The following KCNH5 variants were observed in gnomAD, a reference collection of about 807,000 sequenced individuals.
KCNH5 encodes the protein voltage-gated delayed rectifier potassium channel KCNH5.
KCNH5 carries 46 observed loss-of-function variants against 96.1 expected under a neutral mutation model. The observed-to-expected ratio is 0.48, with a 90% confidence interval of 0.38 to 0.61. The LOEUF (loss-of-function observed/expected upper bound fraction) is 0.61, where lower values mean the gene tolerates loss of function less well. Among genes scored for constraint, KCNH5 ranks in the 20% least tolerant of loss-of-function variants. The probability of loss-of-function intolerance (pLI) is 0.00; values close to 1 mark genes in which losing one functional copy is unlikely to be tolerated. For missense variants in KCNH5, 907 were observed against 1,225.8 expected (o/e 0.74, Z 3.88); for synonymous variants, 439 against 449.8 (o/e 0.98, Z 0.30).
At chr14:63,002,027 C>T (rs1594668891) in intron 3 of KCNH5, among the ~76,000 whole-genome samples, 2 of 152,264 alleles carry the variant, frequency 1.3e-5, no homozygotes, top group East Asian at 3.9e-4. Flanking sequence ...ATCCCCACAT[C>T]AGAGAGAGAG....
rs568773953 is a variant in KCNH5 at position 62,821,545 on chromosome 14, A to G, written c.1570-18964T>C. On this transcript the variant is annotated intron_variant, in intron 8 of 10. Coordinates refer to ENST00000322893, the MANE Select transcript of KCNH5 (RefSeq NM_139318.5). ...TTTTGAAAGAGCATATTATGCTCACATTATTTAAAGGGGCTTTAGGGCAAT... is the reference window on the plus strand; with the variant it reads ...TTTTGAAAGAGCATATTATGCTCACGTTATTTAAAGGGGCTTTAGGGCAAT... 2.0e-5 allele frequency among the ~76,000 whole-genome samples: 3 copies of G among 152,240 alleles called. No homozygotes were observed. The South Asian group carries it at 6.2e-4, about 32-fold the overall frequency.
chr14:62,835,015 C>T (rs952053371), intron 8 of KCNH5, among the ~76,000 whole-genome samples: 1 of 151,928 alleles, frequency 6.6e-6, no homozygotes, highest in African/African-American at 2.4e-5. Context: ...AAACAAAAAG[C>T]TTCACATGAT....
intron 1 of KCNH5, among the ~76,000 whole-genome samples, chr14:63,033,369 A>G (rs1043414211): frequency 1.3e-5 from 2 of 152,132 alleles, no homozygotes; most frequent in African/African-American, 4.8e-5. Context: ...TCTCCTTAGG[A>G]ATGTTCACAT....
intron 6 of KCNH5, among the ~76,000 whole-genome samples, chr14:62,966,147 C>T (rs1763897301): frequency 6.6e-6 from 1 of 152,076 alleles, no homozygotes; most frequent in Non-Finnish European, 1.5e-5. Flanking sequence ...TACCCAAAAA[C>T]AAACAAATGA....
chr14:62,936,837 C>A (rs1889692208), intron 7 of KCNH5, among the ~76,000 whole-genome samples: 2 of 151,722 alleles, frequency 1.3e-5, no homozygotes, highest in Admixed American at 1.3e-4. Context: ...CAACATTAGC[C>A]AGGCGTGGTG....
At chr14:62,754,888 G>A (rs935860835) in intron 10 of KCNH5, among the ~76,000 whole-genome samples, 5 of 134,018 alleles carry the variant, frequency 3.7e-5, no homozygotes, top group African/African-American at 5.0e-5. Context: ...ATAAAATAAA[G>A]TAAAATAAAA....
chr14:63,020,432 G>C (rs1427236888), intron 1 of KCNH5, among the ~76,000 whole-genome samples: 1 of 152,030 alleles, frequency 6.6e-6, no homozygotes, highest in Non-Finnish European at 1.5e-5. Context: ...GAATGGATTA[G>C]AAATTGTGCC....
chr14:63,016,748 G>A, intron 2 of KCNH5, 83 bp downstream of exon 2: 1 of 1,375,832 alleles, frequency 7.3e-7, no homozygotes, highest in Non-Finnish European at 1.0e-6. Flanking sequence ...GTATATGGGA[G>A]TCCAAGTAAG....
At chr14:62,985,309 CAA>C (rs1470018893) in intron 5 of KCNH5, among the ~76,000 whole-genome samples, 1 of 151,988 alleles carries the variant, frequency 6.6e-6, no homozygotes, top group African/African-American at 2.4e-5. Context: ...AGCAGAAAAC[CAA>C]AAGTCTTTTT....
At chr14:62,736,739 A>G (rs1401591617) in intron 10 of KCNH5, among the ~76,000 whole-genome samples, 1 of 151,960 alleles carries the variant, frequency 6.6e-6, no homozygotes. Flanking sequence ...AAGAGAAAGC[A>G]CTCCTGACCA....
chr14:62,870,787 A>T (rs1283466789), intron 7 of KCNH5, among the ~76,000 whole-genome samples: 2 of 152,184 alleles, frequency 1.3e-5, no homozygotes, highest in Non-Finnish European at 2.9e-5. Flanking sequence ...TTAACCTTAA[A>T]AAAAACTCTC....
intron 5 of KCNH5, among the ~76,000 whole-genome samples, chr14:62,982,283 T>C (rs1301355986): frequency 2.6e-5 from 4 of 151,976 alleles, no homozygotes; most frequent in Non-Finnish European, 4.4e-5. Flanking sequence ...AAACTGAGAT[T>C]GTGCCACTGC....
intron 4 of KCNH5, among the ~76,000 whole-genome samples, chr14:62,993,942 T>C (rs3906692): frequency 0.32 from 48,254 of 151,944 alleles, 9,599 homozygotes; most frequent in East Asian, 0.59. Flanking sequence ...ATTATGAGAA[T>C]ATTTGTTCTC....
chr14:62,707,709 C>G lies in KCNH5; in HGVS notation c.2766G>C (p.Gln922His). The G allele has an allele frequency of 6.2e-7, 1 of 1,603,270 alleles. No homozygotes were observed. The highest frequency in any genetic ancestry group is 8.5e-7 in the Non-Finnish European group (1 of 1,171,128). Residue 922 changes from glutamine (Q) to histidine (H), a missense_variant, in exon 11 of 11, where the codon CAG becomes CAC. Around this residue, in one of 6 missense-constraint regions of KCNH5, gnomAD observed 362 missense variants for 394.4 expected, o/e 0.92. Coordinates refer to ENST00000322893, the MANE Select transcript of KCNH5 (RefSeq NM_139318.5). The part of the protein sequence containing the change: ...EVKHELKEDI[Q>H]LLSCRMTALE... ...GGGCAGTCATTCTGCAGCTGAGCAG[C>G]TGGATGTCCTCTTTGAGTTCGTGTT...
intron 8 of KCNH5, among the ~76,000 whole-genome samples, chr14:62,821,653 G>C (rs145323057): frequency 4.6e-5 from 7 of 152,110 alleles, no homozygotes; most frequent in African/African-American, 1.7e-4. Flanking sequence ...ACCTTGACAT[G>C]TCAGTAATAT....
chr14:62,872,204 G>C (rs895112914), intron 7 of KCNH5, among the ~76,000 whole-genome samples: 2 of 152,122 alleles, frequency 1.3e-5, no homozygotes, highest in East Asian at 3.9e-4. Flanking sequence ...AGATAACACA[G>C]AGATGAAAAA....
At chr14:62,969,617 CAAG>C (rs1487588405) in intron 6 of KCNH5, among the ~76,000 whole-genome samples, 1 of 151,860 alleles carries the variant, frequency 6.6e-6, no homozygotes, top group Non-Finnish European at 1.5e-5. Flanking sequence ...GGGAGAGCAT[CAAG>C]AAGAACAGTT....
intron 5 of KCNH5, among the ~76,000 whole-genome samples, chr14:62,985,292 T>C (rs1160372112): frequency 6.6e-6 from 1 of 152,192 alleles, no homozygotes; most frequent in Non-Finnish European, 1.5e-5. Context: ...CTAACAGTGC[T>C]ATTTAGAGCA....
intron 8 of KCNH5, among the ~76,000 whole-genome samples, chr14:62,843,966 TA>T (rs1420569848): frequency 2.2e-4 from 34 of 152,256 alleles, no homozygotes; most frequent in African/African-American, 7.5e-4. Context: ...AATTAACTTG[TA>T]AAAAATATAT....
Sources: allele counts gnomAD v4.1 joint callset (sites outside exome capture counted in the v4.1 genomes callset), GRCh38; gene constraint gnomAD v4.1.1; regional missense constraint gnomAD v4.1.1; transcripts MANE v1.5; gene names NCBI Gene and HGNC (gene_info 2026-07-23, HGNC 2026-07-21).